The following WDR49 variants were observed in gnomAD, a reference collection of about 807,000 sequenced individuals.
WDR49 encodes the protein WD repeat domain 49.
A neutral mutation model predicts 119.5 loss-of-function variants in WDR49; 107 were observed. The observed-to-expected ratio is 0.90, with a 90% CI of 0.77 to 1.05. The LOEUF is 1.05. WDR49 is among the 50% of genes least tolerant of loss of function. The probability of loss-of-function intolerance (pLI) is 0.00; values close to 1 mark genes in which losing one functional copy is unlikely to be tolerated. For missense variants in WDR49, 1,240 were observed against 1,220.5 expected (o/e 1.02, Z -0.24); for synonymous variants, 425 against 418.8 (o/e 1.01, Z -0.18).
rs79199249 is a variant in WDR49 at position 167,652,510 on chromosome 3, C to T, written c.165+751G>A. 3.4e-3 allele frequency among the ~76,000 whole-genome samples: 524 copies of T among 152,242 alleles called. 3 individuals carry two copies. The highest frequency in any genetic ancestry group is 0.012 in the African/African-American group (493 of 41,534). On this transcript the variant is annotated intron_variant, in intron 2 of 18. Transcript: ENST00000682715. ...GAGGCTCATGACTACCTAAATTCTACGTCATGGAAGAGCACTTCTTTCTAC... is the reference window on the plus strand; with the variant it reads ...GAGGCTCATGACTACCTAAATTCTATGTCATGGAAGAGCACTTCTTTCTAC...
At chr3:167,516,730 C>T (rs1230938933) in intron 16 of WDR49, among the ~76,000 whole-genome samples, 2 of 152,116 alleles carry the variant, frequency 1.3e-5, no homozygotes, top group Non-Finnish European at 2.9e-5. Context: ...TCTAATTAAA[C>T]TAACGACCTT....
chr3:167,500,061 C>G, intron 18 of WDR49, 92 bp downstream of exon 18: 2 of 1,358,682 alleles, frequency 1.5e-6, no homozygotes, highest in Non-Finnish European at 1.9e-6. Context: ...ACAAGACAAA[C>G]ACTTGTTATT....
chr3:167,551,100 C>T (rs1269136073), intron 10 of WDR49, among the ~76,000 whole-genome samples: 1 of 151,920 alleles, frequency 6.6e-6, no homozygotes, highest in African/African-American at 2.4e-5. Flanking sequence ...CAGAAAAATT[C>T]TCTAGATATG....
chr3:167,653,520 T>C, intron 1 of WDR49, 21 bp from the exon 2 acceptor site: 1 of 1,365,672 alleles, frequency 7.3e-7, no homozygotes, highest in South Asian at 1.7e-5. Flanking sequence ...AAACTCAACT[T>C]AGCAACAGAA....
At chr3:167,608,123 A>G (rs1577273443) in intron 5 of WDR49, among the ~76,000 whole-genome samples, 2 of 152,318 alleles carry the variant, frequency 1.3e-5, no homozygotes, top group East Asian at 1.9e-4. Flanking sequence ...AGAAGTTCCA[A>G]TAGTATAAAA....
chr3:167,630,852 A>G (rs1717337443), intron 2 of WDR49, among the ~76,000 whole-genome samples: 2 of 152,086 alleles, frequency 1.3e-5, no homozygotes, highest in African/African-American at 4.8e-5. Context: ...TTGTTAATTA[A>G]TCACAATTAA....
intron 10 of WDR49, among the ~76,000 whole-genome samples, chr3:167,545,748 A>ACACTT (rs1176434138): frequency 1.3e-5 from 2 of 150,358 alleles, no homozygotes; most frequent in Admixed American, 1.3e-4. Flanking sequence ...AAAAGACTGC[A>ACACTT]CATTGGGAAC....
At chr3:167,530,545 T>C (rs959587855) in intron 13 of WDR49, among the ~76,000 whole-genome samples, 11 of 151,780 alleles carry the variant, frequency 7.2e-5, no homozygotes, top group Non-Finnish European at 1.6e-4. Flanking sequence ...AGTATACATC[T>C]CTGGAGAAGA....
At chr3:167,553,077 A>G (rs1712670435) in intron 10 of WDR49, among the ~76,000 whole-genome samples, 1 of 152,074 alleles carries the variant, frequency 6.6e-6, no homozygotes, top group Non-Finnish European at 1.5e-5. Context: ...TCTTTTGTTA[A>G]ATGCCTCCTG....
chr3:167,623,255 C>T (rs996322572), intron 3 of WDR49, among the ~76,000 whole-genome samples: 1 of 152,052 alleles, frequency 6.6e-6, no homozygotes, highest in African/African-American at 2.4e-5. Flanking sequence ...CAGATCTATA[C>T]ATCTTACGAA....
chr3:167,637,248 G>A (rs182152701), intron 2 of WDR49, among the ~76,000 whole-genome samples: 121 of 151,868 alleles, frequency 8.0e-4, no homozygotes, highest in Middle Eastern at 3.4e-3. Context: ...GTTGAATAGG[G>A]TGTTCTTTCC....
rs902272846 is a variant in WDR49, at chr3:167,555,026, T to C, written c.1675-228A>G. Reference sequence around the variant, plus strand: ...TCAGACTCTTTCTCTAATGATAAGATAGTATTTAGTATGCTAATGACATGA... The same window carrying C: ...TCAGACTCTTTCTCTAATGATAAGACAGTATTTAGTATGCTAATGACATGA... On this transcript the variant is annotated intron_variant, in intron 9 of 18. Transcript: ENST00000682715. Among the ~76,000 whole-genome samples, 3 of 152,186 alleles carry C rather than the reference T, an allele frequency of 2.0e-5. No homozygotes were observed. The East Asian group carries it at 5.8e-4, about 29-fold the overall frequency.
At chr3:167,622,469 G>A (rs1716919341) in intron 3 of WDR49, among the ~76,000 whole-genome samples, 1 of 152,126 alleles carries the variant, frequency 6.6e-6, no homozygotes, top group Non-Finnish European at 1.5e-5. Flanking sequence ...TCACCATTCT[G>A]CCAATCTTTG....
chr3:167,611,702 A>G (rs144031239), intron 5 of WDR49, among the ~76,000 whole-genome samples: 184 of 152,328 alleles, frequency 1.2e-3, no homozygotes, highest in Middle Eastern at 3.4e-3. Context: ...TTATCACACA[A>G]AATAGATTTC....
In WDR49 at chr3:167,500,251, A is replaced by C. The variant is rs745873449; in HGVS notation, c.2933T>G (p.Val978Gly). 18 of 1,607,022 alleles carry C rather than the reference A, an allele frequency of 1.1e-5. No homozygotes were observed. Among genetic ancestry groups the C allele is most frequent in the Non-Finnish European group, 1.5e-5 (18 of 1,177,968 alleles). The change falls in exon 18 of 19, where the codon GTG becomes GGG. Residue 978 changes from valine (V) to glycine (G), a missense_variant. Transcript: ENST00000682715. ...NIGALEELPE[V>G]NKPAFLLDPE... ...GTCTAGAAGGAAAGCAGGTTTATTC[A>C]CTTCAGGCAGCTCTTCCAGGGCTCC...
intron 16 of WDR49, among the ~76,000 whole-genome samples, chr3:167,516,107 A>T (rs963506352): frequency 5.9e-5 from 9 of 151,834 alleles, no homozygotes; most frequent in Non-Finnish European, 2.9e-5. Context: ...TACTCTTGAA[A>T]TTTTTTTTAT....
chr3:167,495,289 T>G (rs544133053), intron 18 of WDR49, among the ~76,000 whole-genome samples: 19 of 151,754 alleles, frequency 1.3e-4, no homozygotes, highest in Non-Finnish European at 2.4e-4. Flanking sequence ...TGAGAAAAAT[T>G]TAACTGAGAA....
At chr3:167,635,658 C>T (rs1717582492) in intron 2 of WDR49, among the ~76,000 whole-genome samples, 1 of 151,630 alleles carries the variant, frequency 6.6e-6, no homozygotes, top group African/African-American at 2.4e-5. Context: ...GTATTTTCTC[C>T]TCTGTCAAAG....
chr3:167,646,409 T>A (rs1718131110), intron 2 of WDR49, among the ~76,000 whole-genome samples: 1 of 152,126 alleles, frequency 6.6e-6, no homozygotes, highest in African/African-American at 2.4e-5. Context: ...GTGTTTATAG[T>A]GGGATTGAGG....
Sources: allele counts gnomAD v4.1 joint callset (sites outside exome capture counted in the v4.1 genomes callset), GRCh38; gene constraint gnomAD v4.1.1; transcripts MANE v1.5; gene names NCBI Gene and HGNC (gene_info 2026-07-23, HGNC 2026-07-21).